KATNAL2: variants seen among roughly 807,000 people sequenced by gnomAD.
KATNAL2 encodes the protein katanin catalytic subunit A1 like 2, also known as katanin p60 ATPase-containing subunit A-like 2.
Under a neutral mutation model 76.3 loss-of-function variants are expected in KATNAL2, and 52 were observed. The ratio of observed to expected loss-of-function variants is 0.68; its 90% CI spans 0.55 to 0.86. The LOEUF is 0.86. KATNAL2 is among the 40% of genes least tolerant of loss of function. The pLI is 0.00. For missense variants in KATNAL2, 660 were observed against 668.9 expected (o/e 0.99, Z 0.15); for synonymous variants, 243 against 244.2 (o/e 1.00, Z 0.05).
rs1407705815 is a variant in KATNAL2 at position 47,059,558 on chromosome 18, G to A, written c.453G>A (p.Glu151=). Residue 151 remains glutamate (E), a splice_region_variant and synonymous_variant, in exon 8 of 18, where the codon GAG becomes GAA. Coordinates refer to ENST00000683218, the MANE Select transcript of KATNAL2 (RefSeq NM_001387690.1). ...TGTCCTTGTCTCTCTTTCTTCAGGA[G>A]GTAGTTGATAACACTCGCCTGGAAA... ...KSLNKEHPNQ[E]VVDNTRLESA... The A allele has an allele frequency of 6.2e-7, 1 of 1,601,652 alleles. No individual in the cohort carries two copies. Among genetic ancestry groups the A allele is most frequent in the South Asian group, 1.1e-5 (1 of 90,784 alleles).
chr18:47,075,390 T>TTTGTTG, intron 14 of KATNAL2, 22 bp downstream of exon 14: 1 of 1,450,162 alleles, frequency 6.9e-7, no homozygotes, highest in Non-Finnish European at 9.1e-7. Context: ...GGTTGGGGTT[T>TTTGTTG]TTGTTGTTGT....
At chr18:47,023,281 TG>T in intron 3 of KATNAL2, 1 of 1,001,480 alleles carries the variant, frequency 1.0e-6, no homozygotes, top group Non-Finnish European at 1.3e-6. Context: ...CGCTTCCCCC[TG>T]GGGTTGGCCC....
At chr18:47,080,540 TTATACC>T (rs2062458500) in intron 15 of KATNAL2, among the ~76,000 whole-genome samples, 1 of 152,342 alleles carries the variant, frequency 6.6e-6, no homozygotes, top group South Asian at 2.1e-4. Flanking sequence ...TTGCCTGTTC[TTATACC>T]TATGAGTAGA....
chr18:47,051,960 C>G (rs569588709), intron 4 of KATNAL2, among the ~76,000 whole-genome samples: 1 of 152,338 alleles, frequency 6.6e-6, no homozygotes, highest in South Asian at 2.1e-4. Flanking sequence ...TCTCTTTCTA[C>G]TTTCCTGGAT....
intron 3 of KATNAL2, among the ~76,000 whole-genome samples, chr18:47,040,487 C>A (rs1271485553): frequency 2.0e-5 from 3 of 152,152 alleles, no homozygotes; most frequent in Admixed American, 2.0e-4. Flanking sequence ...CTGCTTTCAA[C>A]TATTTGGGCT....
intron 12 of KATNAL2, 78 bp downstream of exon 12, chr18:47,069,361 A>G: frequency 7.2e-7 from 1 of 1,389,420 alleles, no homozygotes; most frequent in Non-Finnish European, 1.0e-6. Flanking sequence ...TCCTCACTTC[A>G]GGACTGGGGC....
At chr18:47,059,816 CT>C (rs1186503671) in intron 8 of KATNAL2, among the ~76,000 whole-genome samples, 162 bp downstream of exon 8, 2 of 151,620 alleles carry the variant, frequency 1.3e-5, no homozygotes, top group Non-Finnish European at 2.9e-5. Flanking sequence ...ATGGGTTCTT[CT>C]TTGGAATCTC....
chr18:47,065,404 T>C (rs2061758166), intron 10 of KATNAL2, among the ~76,000 whole-genome samples: 1 of 146,302 alleles, frequency 6.8e-6, no homozygotes, highest in Non-Finnish European at 1.5e-5. Flanking sequence ...CAAGATCGAC[T>C]GTGGGACTTG....
intron 5 of KATNAL2, 36 bp from the exon 6 acceptor site, chr18:47,054,360 T>A (rs1467589925): frequency 6.3e-7 from 1 of 1,579,230 alleles, no homozygotes; most frequent in Non-Finnish European, 8.7e-7. Context: ...CTCTTAAAAT[T>A]ATTTTCTTTC....
chr18:46,950,320 T>C (rs2059512675), intron 3 of KATNAL2, among the ~76,000 whole-genome samples: 1 of 152,140 alleles, frequency 6.6e-6, no homozygotes. Context: ...GTGCAAGGAA[T>C]TGTGCTGAGT....
intron 3 of KATNAL2, among the ~76,000 whole-genome samples, chr18:46,948,081 T>G (rs1007333672): frequency 1.3e-5 from 2 of 152,164 alleles, no homozygotes; most frequent in Non-Finnish European, 2.9e-5. Flanking sequence ...AACGTTCTCA[T>G]ATATTTTCAT....
intron 1 of KATNAL2, among the ~76,000 whole-genome samples, chr18:46,932,286 G>C (rs2058950367): frequency 6.6e-6 from 1 of 152,156 alleles, no homozygotes; most frequent in African/African-American, 2.4e-5. Context: ...CATAATTATA[G>C]ATTCTGCAGA....
At chr18:46,925,880 TTATAG>T (rs2058712393) in intron 1 of KATNAL2, among the ~76,000 whole-genome samples, 1 of 152,208 alleles carries the variant, frequency 6.6e-6, no homozygotes, top group Non-Finnish European at 1.5e-5. Flanking sequence ...GTAGAGGTGT[TTATAG>T]TATTCTCTGA....
Position 47,069,255 on chromosome 18 carries a change from G to A in KATNAL2, c.861G>A (p.Trp287Ter), listed in dbSNP as rs756265561. The change falls in exon 12 of 18, where the codon TGG (tryptophan) becomes TGA (stop). Residue 287 changes from tryptophan to a stop codon, truncating the protein, a stop_gained. Coordinates refer to ENST00000683218, the MANE Select transcript of KATNAL2 (RefSeq NM_001387690.1). LOFTEE classifies it high-confidence loss of function. ...PQLFTGILSP[W>*]KGLLLYGPPG... is the part of the protein sequence containing the mutation. Reference sequence around the variant, plus strand: ...TATTTACAGGAATTCTTTCTCCCTGGAAAGGACTACTGCTGTACGGCCCTC... The same window carrying A: ...TATTTACAGGAATTCTTTCTCCCTGAAAAGGACTACTGCTGTACGGCCCTC... The A allele has an allele frequency of 6.2e-7, 1 of 1,611,602 alleles. No homozygotes were observed. Among genetic ancestry groups the A allele is most frequent in the South Asian group, 1.1e-5 (1 of 90,720 alleles).
intron 1 of KATNAL2, among the ~76,000 whole-genome samples, chr18:46,930,818 A>G (rs758458372): frequency 8.7e-5 from 13 of 149,390 alleles, no homozygotes; most frequent in Non-Finnish European, 1.8e-4. Context: ...AAAAAAATAA[A>G]TAGGCCAGGC....
intron 3 of KATNAL2, among the ~76,000 whole-genome samples, chr18:46,959,202 A>G (rs1477132720): frequency 6.6e-6 from 1 of 152,264 alleles, no homozygotes; most frequent in African/African-American, 2.4e-5. Flanking sequence ...AGTTCTAAAC[A>G]CTAATTAAAC....
chr18:47,069,767 G>C (rs970151845), intron 13 of KATNAL2, among the ~76,000 whole-genome samples, 167 bp downstream of exon 13: 1 of 152,052 alleles, frequency 6.6e-6, no homozygotes, highest in African/African-American at 2.4e-5. Flanking sequence ...ATTACGTGTG[G>C]ATGTTAATTG....
chr18:46,934,796 T>A (rs868180401), intron 1 of KATNAL2, among the ~76,000 whole-genome samples: 5 of 152,192 alleles, frequency 3.3e-5, no homozygotes, highest in African/African-American at 7.2e-5. Context: ...AACATGTAAG[T>A]CTTTAATCCA....
chr18:47,078,402 C>T (rs1190908900), intron 15 of KATNAL2, among the ~76,000 whole-genome samples: 1 of 152,152 alleles, frequency 6.6e-6, no homozygotes, highest in Non-Finnish European at 1.5e-5. Flanking sequence ...CCTGGCTCCA[C>T]CTCCCCTTGA....
Sources: gnomAD v4.1 joint callset for allele counts (sites outside exome capture counted in the v4.1 genomes callset) on GRCh38, gnomAD v4.1.1 for gene constraint, MANE v1.5 for transcripts, NCBI Gene and HGNC (gene_info 2026-07-23, HGNC 2026-07-21) for gene names.